The following ABCC4 variants were observed in gnomAD, a reference collection of about 807,000 sequenced individuals.
ABCC4 encodes ATP binding cassette subfamily C member 4 (PEL blood group).
In ABCC4, 102 loss-of-function variants were observed where a neutral mutation model predicts 168.5. That is an observed-to-expected ratio of 0.61 (90% CI 0.52 to 0.71). The LOEUF (loss-of-function observed/expected upper bound fraction) is 0.71, where lower values mean the gene tolerates loss of function less well. ABCC4 is among the 30% of genes least tolerant of loss of function. The pLI, the probability that ABCC4 is intolerant of heterozygous loss-of-function variation, is 0.00. For synonymous variants in ABCC4, 617 were observed against 590.7 expected (o/e 1.04, Z -0.65); for missense variants, 1,402 against 1,605.8 (o/e 0.87, Z 2.17).
At chr13:95,071,163 T>C (rs1444334319) in intron 25 of ABCC4, among the ~76,000 whole-genome samples, 2 of 152,196 alleles carry the variant, frequency 1.3e-5, no homozygotes, top group African/African-American at 2.4e-5. Context: ...TCCCCATCCA[T>C]GTGGAACTTT....
At chr13:95,046,589 A>G (rs1231266637) in intron 27 of ABCC4, among the ~76,000 whole-genome samples, 1 of 152,208 alleles carries the variant, frequency 6.6e-6, no homozygotes, top group South Asian at 2.1e-4. Flanking sequence ...ACATGGTGAA[A>G]TCCCATCTCT....
In ABCC4 at chr13:95,021,553, G is replaced by A. The variant is rs573337530; in HGVS notation, c.*22C>T. The A allele has an allele frequency of 5.2e-6, 8 of 1,538,816 alleles. No homozygotes were observed. The highest frequency in any genetic ancestry group is 2.2e-5 in the East Asian group (1 of 44,516). ...AACTAGTGGAAAATGCCTTCGGAACGGACTTGACATTTTGGTTGGATTCAC... is the reference window on the plus strand; with the variant it reads ...AACTAGTGGAAAATGCCTTCGGAACAGACTTGACATTTTGGTTGGATTCAC... On this transcript the variant is annotated 3_prime_UTR_variant, in exon 31 of 31. Coordinates refer to ENST00000645237, the MANE Select transcript of ABCC4 (RefSeq NM_005845.5).
rs545928869 is a variant in ABCC4 at position 95,160,586 on chromosome 13, T to C, written c.2455+603A>G. 6.6e-5 allele frequency among the ~76,000 whole-genome samples: 10 copies of C among 152,336 alleles called. No individual in the cohort carries two copies. In the South Asian group the frequency reaches 2.1e-3, roughly 32 times the overall value. ...TCTATTATAGAACCAAAAGTCTACT[T>C]CAAAACCACAGAGTTAGAAACTGTT... On this transcript the variant is annotated intron_variant, in intron 19 of 30. Transcript: ENST00000645237.
chr13:95,110,326 A>AT (rs397806316), intron 20 of ABCC4, among the ~76,000 whole-genome samples: 1 of 151,104 alleles, frequency 6.6e-6, no homozygotes, highest in African/African-American at 2.4e-5. Context: ...AAAAAAAAAA[A>AT]TGAGATATAT....
At chr13:95,088,530 C>G (rs1191774244) in intron 20 of ABCC4, among the ~76,000 whole-genome samples, 1 of 152,034 alleles carries the variant, frequency 6.6e-6, no homozygotes. Flanking sequence ...AGAATATATT[C>G]TGACATAAGT....
Position 95,029,854 on chromosome 13 carries a change from T to C in ABCC4, c.3870+4751A>G, listed in dbSNP as rs375193551. 2.8e-4 allele frequency among the ~76,000 whole-genome samples: 42 copies of C among 152,322 alleles called. No homozygotes were observed. The South Asian group carries it at 8.1e-3, about 29-fold the overall frequency. ...CCGGAGCAGTACTGCAATCCTGGCA[T>C]GACAGGTGAGGCCTCTGAGGCTCAC... On this transcript the variant is annotated intron_variant, in intron 30 of 30. Transcript: ENST00000645237.
chr13:95,151,608 G>GAGAAGGAGAAGAAGGAGA (rs557721111), intron 19 of ABCC4, among the ~76,000 whole-genome samples: 3 of 149,804 alleles, frequency 2.0e-5, no homozygotes, highest in African/African-American at 7.5e-5. Context: ...GGAGGAGAAG[G>GAGAAGGAGAAGAAGGAGA]AGAAGGAGAA....
At chr13:95,276,258 T>C (rs914209595) in intron 1 of ABCC4, among the ~76,000 whole-genome samples, 10 of 151,304 alleles carry the variant, frequency 6.6e-5, no homozygotes, top group Admixed American at 1.3e-4. Context: ...TACAAAAAAA[T>C]TGTTTTATTA....
chr13:95,201,320 T>A (rs4148475), intron 8 of ABCC4, among the ~76,000 whole-genome samples: 13,304 of 152,214 alleles, frequency 0.087, 823 homozygotes, highest in East Asian at 0.19. Flanking sequence ...CCTAGCTGCA[T>A]ATTGGACCAC....
chr13:95,139,280 T>A (rs1345070445), intron 19 of ABCC4, among the ~76,000 whole-genome samples: 1 of 152,150 alleles, frequency 6.6e-6, no homozygotes, highest in Non-Finnish European at 1.5e-5. Flanking sequence ...CTGAGACCAG[T>A]GTTGTGGCTG....
At chr13:95,263,191 G>C (rs983213251) in intron 1 of ABCC4, among the ~76,000 whole-genome samples, 1 of 152,028 alleles carries the variant, frequency 6.6e-6, no homozygotes, top group Non-Finnish European at 1.5e-5. Context: ...TTAATTCAAG[G>C]TTAATGATTA....
At chr13:95,132,018 C>G (rs2035984378) in intron 19 of ABCC4, among the ~76,000 whole-genome samples, 1 of 152,276 alleles carries the variant, frequency 6.6e-6, no homozygotes, top group South Asian at 2.1e-4. Context: ...CACAGCAGCA[C>G]TATGCACAAT....
intron 30 of ABCC4, among the ~76,000 whole-genome samples, chr13:95,024,872 T>G (rs918477891): frequency 1.3e-5 from 2 of 152,044 alleles, no homozygotes; most frequent in Non-Finnish European, 2.9e-5. Context: ...GCTAAATCTT[T>G]GTGAAATCAG....
chr13:95,090,508 C>G (rs2034397567), intron 20 of ABCC4, among the ~76,000 whole-genome samples: 1 of 152,134 alleles, frequency 6.6e-6, no homozygotes, highest in African/African-American at 2.4e-5. Context: ...CACTGGGTGG[C>G]TAGACCCAGA....
intron 1 of ABCC4, among the ~76,000 whole-genome samples, chr13:95,262,524 T>C (rs2138854941): frequency 6.6e-6 from 1 of 152,256 alleles, no homozygotes; most frequent in South Asian, 2.1e-4. Flanking sequence ...CAAAAATCAG[T>C]CCTCCAGGTG....
rs545627645 is a variant in ABCC4, at chr13:95,200,522, A to G, written c.1162-5585T>C. On this transcript the variant is annotated intron_variant, in intron 8 of 30. Transcript: ENST00000645237. ...TGGATCACGAGGTCAAGAGACTGAG[A>G]CTATCCTGGCCAACGTGGTGAAACC... Among the ~76,000 whole-genome samples, 7 of 152,264 alleles carry G rather than the reference A, an allele frequency of 4.6e-5. No homozygotes were observed. In the East Asian group the frequency reaches 1.4e-3, roughly 29 times the overall value.
At chr13:95,109,391 A>AACACACAC (rs61165942) in intron 20 of ABCC4, among the ~76,000 whole-genome samples, 25,889 of 150,300 alleles carry the variant, frequency 0.17, 2,687 homozygotes, top group South Asian at 0.38. Flanking sequence ...CAGGTGTGCA[A>AACACACAC]ACACACACAC....
chr13:95,112,279 G>A (rs1036881526), intron 20 of ABCC4, among the ~76,000 whole-genome samples: 3 of 151,846 alleles, frequency 2.0e-5, no homozygotes, highest in Non-Finnish European at 4.4e-5. Flanking sequence ...TTTGAACCTG[G>A]GGGGCAAAGG....
chr13:95,059,200 G>A (rs3782945), intron 26 of ABCC4, among the ~76,000 whole-genome samples: 29,908 of 152,114 alleles, frequency 0.2, 3,123 homozygotes, highest in East Asian at 0.28. Flanking sequence ...ATTGAGATTC[G>A]CCGTAAATTC....
Sources: allele counts gnomAD v4.1 joint callset (sites outside exome capture counted in the v4.1 genomes callset), GRCh38; gene constraint gnomAD v4.1.1; transcripts MANE v1.5; gene names NCBI Gene and HGNC (gene_info 2026-07-23, HGNC 2026-07-21).